HMGN1: variants seen among roughly 807,000 people sequenced by gnomAD.
The protein encoded by HMGN1 is high mobility group nucleosome binding domain 1.
In HMGN1, 9 loss-of-function variants were observed where a neutral mutation model predicts 18.4. The ratio of observed to expected loss-of-function variants is 0.49; its 90% confidence interval spans 0.29 to 0.85. The LOEUF is 0.85. HMGN1 is among the 40% of genes least tolerant of loss of function. HMGN1 has a pLI of 0.07. For synonymous variants in HMGN1, 59 were observed against 45.0 expected, an observed-to-expected ratio of 1.31 and a Z score of -1.24; for missense variants, 151 against 119.2, an observed-to-expected ratio of 1.27 and a Z score of -1.24.
chr21:39,345,806 A>G (rs2037031410), intron 4 of HMGN1: 1 of 1,296,140 alleles, frequency 7.7e-7, no homozygotes, highest in South Asian at 1.2e-5. Flanking sequence ...ACAAGACCTT[A>G]ACCCTCACAT....
At position 39,348,115 on chromosome 21, in the gene HMGN1, C is replaced by G. The variant is rs1258825818; in HGVS notation, c.126+177G>C. 4 of 919,274 alleles carry G rather than the reference C, an allele frequency of 4.4e-6. No individual in the cohort carries two copies. In the East Asian group the frequency reaches 1.1e-4, roughly 24 times the overall value. 56.9% of individuals were successfully genotyped at this position (919,274 alleles called of 1,614,324 possible). Reference sequence around the variant, plus strand: ...GCAGCAGCATTAGTGTGATATAGTTCTATAAACCAGGATGAATATATCCAT... The same window carrying G: ...GCAGCAGCATTAGTGTGATATAGTTGTATAAACCAGGATGAATATATCCAT... On this transcript the variant is annotated intron_variant, in intron 4 of 5. Transcript: ENST00000380749.
intron 5 of HMGN1, 144 bp from the exon 6 acceptor site, chr21:39,343,303 C>A (rs2036928711): frequency 4.2e-6 from 3 of 719,348 alleles, no homozygotes; most frequent in Admixed American, 3.0e-5. Context: ...CTTTTGTTAA[C>A]CACCCCCTCA....
intron 5 of HMGN1, 37 bp downstream of exon 5, chr21:39,345,109 T>TCTCACA (rs1555883774): frequency 1.8e-5 from 25 of 1,411,106 alleles, no homozygotes; most frequent in Admixed American, 1.1e-4. Flanking sequence ...GTCAAAGCAA[T>TCTCACA]CACACACACA....
chr21:39,348,618 C>T (rs2037153652), intron 1 of HMGN1, 41 bp from the exon 2 acceptor site: 1 of 1,542,164 alleles, frequency 6.5e-7, no homozygotes, highest in African/African-American at 1.4e-5. Flanking sequence ...GGGCCGCAGT[C>T]CCAGGACTCG....
At chr21:39,348,723 C>A in intron 1 of HMGN1, 146 bp from the exon 2 acceptor site, 2 of 1,158,644 alleles carry the variant, frequency 1.7e-6, no homozygotes, top group South Asian at 1.7e-5. Context: ...CCCCGGCCGC[C>A]AAACGTTCCA....
intron 1 of HMGN1, 155 bp downstream of exon 1, chr21:39,348,748 G>A (rs2037161228): frequency 1.1e-5 from 12 of 1,085,852 alleles, no homozygotes; most frequent in East Asian, 3.2e-5. Flanking sequence ...GCCCGCCCCC[G>A]CGGCCGCCGA....
At chr21:39,348,021 G>A in intron 4 of HMGN1, 2 of 1,146,918 alleles carry the variant, frequency 1.7e-6, no homozygotes, top group Non-Finnish European at 2.3e-6. Context: ...TGTACGCAAC[G>A]CAAAGAATAA....
intron 2 of HMGN1, 22 bp downstream of exon 2, chr21:39,348,523 C>A (rs1304046736): frequency 1.2e-6 from 2 of 1,613,570 alleles, no homozygotes; most frequent in Non-Finnish European, 1.7e-6. Flanking sequence ...CCCACCACCC[C>A]CCGCAGAAGG....
At chr21:39,346,019 G>A in intron 4 of HMGN1, 1 of 1,105,174 alleles carries the variant, frequency 9.0e-7, no homozygotes, top group Non-Finnish European at 1.2e-6. Flanking sequence ...CAAAATTTAA[G>A]CCATGTTAAA....
At position 39,342,395 on chromosome 21, in the gene HMGN1, A is replaced by G. The variant is rs1245571763; in HGVS notation, c.*717T>C. On this transcript the variant is annotated 3_prime_UTR_variant, in exon 6 of 6. Transcript: ENST00000380749. ...TACACAAATCTTAACATACGTAACG[A>G]AATTCTAAAAAGCCATGTATTGTAA... 1 of 182,536 alleles carries G rather than the reference A, an allele frequency of 5.5e-6. No individual in the cohort carries two copies. Among genetic ancestry groups the G allele is most frequent in the Non-Finnish European group, 1.2e-5 (1 of 85,912 alleles). 11.3% of individuals were successfully genotyped at this position (182,536 alleles called of 1,614,324 possible). A position where few individuals can be genotyped will look rare whatever the true frequency, so the allele number is the denominator to read the frequency against.
In HMGN1 at chr21:39,345,232, C is replaced by T; in HGVS notation, c.169G>A (p.Gly57Arg). The T allele has an allele frequency of 6.2e-7, 1 of 1,613,740 alleles. No homozygotes were observed. The highest frequency in any genetic ancestry group is 8.5e-7 in the Non-Finnish European group (1 of 1,179,918). The change falls in exon 5 of 6, where the codon GGA (glycine) becomes AGA (arginine). Residue 57 changes from glycine to arginine, a missense_variant. Coordinates refer to ENST00000380749, the MANE Select transcript of HMGN1 (RefSeq NM_004965.7). ...ACTTCGGCCTGTTTTCCCTTTGCTC[C>T]CCTTTTCCCTTTTGTTTGCACTTTT... is the stretch of plus-strand genomic sequence containing the variant. Reference protein sequence around the residue: ...DKKVQTKGKRGAKGKQAEVAN... With the variant: ...DKKVQTKGKRRAKGKQAEVAN...
intron 4 of HMGN1, chr21:39,347,602 A>G: frequency 2.3e-6 from 1 of 438,138 alleles, no homozygotes; most frequent in South Asian, 1.7e-5. Context: ...AGAGCTTTAC[A>G]GGTTTCAATG....
At chr21:39,345,952 G>T (rs1254897928) in intron 4 of HMGN1, 9 of 1,300,710 alleles carry the variant, frequency 6.9e-6, no homozygotes, top group Non-Finnish European at 9.1e-6. Context: ...TTAGGTGTTT[G>T]AAGAATCTGA....
At chr21:39,346,825 T>C (rs959275454) in intron 4 of HMGN1, 1 of 152,218 alleles carries the variant, frequency 6.6e-6, no homozygotes, top group African/African-American at 2.4e-5. Flanking sequence ...TTTTTCCTTT[T>C]GGGAAAACTG....
chr21:39,347,997 A>C, intron 4 of HMGN1: 1 of 1,259,848 alleles, frequency 7.9e-7, no homozygotes, highest in East Asian at 3.1e-5. Flanking sequence ...TTAAAAGCCA[A>C]GCACCAGCCA....
intron 1 of HMGN1, 108 bp downstream of exon 1, chr21:39,348,795 C>T: frequency 9.3e-7 from 1 of 1,077,250 alleles, no homozygotes; most frequent in South Asian, 2.6e-5. Flanking sequence ...CCAAGCGCCT[C>T]CCGGGCCCGT....
Position 39,342,928 on chromosome 21 carries a change from G to A in HMGN1, c.*184C>T. 2 of 1,247,778 alleles carry A rather than the reference G, an allele frequency of 1.6e-6. No homozygotes were observed. The allele number at this position is 1,247,778 out of a possible 1,614,324, so 77.3% of individuals were successfully genotyped here. A position where few individuals can be genotyped will look rare whatever the true frequency, so the allele number is the denominator to read the frequency against. ...ACCAAAAAATAAACAACCAGCAAAT[G>A]ATTTCACCTCTTAAAAAAAAGCATT... On this transcript the variant is annotated 3_prime_UTR_variant, in exon 6 of 6. Coordinates refer to ENST00000380749, the MANE Select transcript of HMGN1 (RefSeq NM_004965.7).
Position 39,343,063 on chromosome 21 carries a change from T to C in HMGN1, c.*49A>G. The C allele has an allele frequency of 7.5e-7, 1 of 1,328,568 alleles. No homozygotes were observed. The highest frequency in any genetic ancestry group is 1.2e-5 in the South Asian group (1 of 82,616). 82.3% of individuals were successfully genotyped at this position (1,328,568 alleles called of 1,614,324 possible). On this transcript the variant is annotated 3_prime_UTR_variant, in exon 6 of 6. Coordinates refer to ENST00000380749, the MANE Select transcript of HMGN1 (RefSeq NM_004965.7). The stretch of plus-strand genomic sequence containing the variant: ...AGTTGATAAAAATATTCCTCTGGAT[T>C]GTACAAGAAGGGAGACAGGGACCAC...
Position 39,348,453 on chromosome 21 carries a change from T to C in HMGN1, c.49-2A>G. The C allele has an allele frequency of 6.2e-7, 1 of 1,614,026 alleles. No homozygotes were observed. The highest frequency in any genetic ancestry group is 8.5e-7 in the Non-Finnish European group (1 of 1,179,994). On this transcript the variant is annotated splice_acceptor_variant, in intron 2 of 5. Coordinates refer to ENST00000380749, the MANE Select transcript of HMGN1 (RefSeq NM_004965.7). LOFTEE classifies it high-confidence loss of function. ...CAACCGCGCCGATCTCCTCTTGGGC[T>C]TGGAGAAAGAAAAAGGAGAGTCAGC...
Sources: allele counts gnomAD v4.1 joint callset, GRCh38; gene constraint gnomAD v4.1.1; transcripts MANE v1.5; gene names NCBI Gene and HGNC (gene_info 2026-07-23, HGNC 2026-07-21).